NRG1: variants seen among roughly 807,000 people sequenced by gnomAD.
NRG1 encodes pro-neuregulin-1, membrane-bound isoform.
A neutral mutation model predicts 63.8 loss-of-function variants in NRG1; 18 were observed. The observed-to-expected ratio is 0.28, with a 90% CI of 0.19 to 0.42. The LOEUF (loss-of-function observed/expected upper bound fraction) is 0.42. Among genes scored for constraint, NRG1 ranks in the 10% least tolerant of loss-of-function variants. The probability of loss-of-function intolerance (pLI) is 1.00; values close to 1 mark genes in which losing one functional copy is unlikely to be tolerated. For missense variants in NRG1, 762 were observed against 814.7 expected (o/e 0.94, Z 0.79); for synonymous variants, 302 against 301.3 (o/e 1.00, Z -0.02).
At chr8:32,319,635 C>T (rs1469945799) in intron 1 of NRG1, among the ~76,000 whole-genome samples, 1 of 151,974 alleles carries the variant, frequency 6.6e-6, no homozygotes, top group Non-Finnish European at 1.5e-5. Flanking sequence ...ACCCATGATG[C>T]TCAAAGGATT....
chr8:32,555,640 T>G lies in NRG1; in HGVS notation c.100+6814T>G, dbSNP rs542311592. Among the ~76,000 whole-genome samples the G allele has an allele frequency of 8.3e-3, 1,261 of 152,128 alleles. 15 individuals are homozygous for G. Among genetic ancestry groups the G allele is most frequent in the African/African-American group, 0.029 (1,200 of 41,478 alleles). ...GCGCCCACCACCACGCCCGGCTGAT[T>G]TTTTGTATTTCTAGTAGAGACGGGG... On this transcript the variant is annotated intron_variant, in intron 1 of 11. Transcript: ENST00000356819.
chr8:32,480,753 T>C (rs778324001), intron 1 of NRG1, among the ~76,000 whole-genome samples: 7 of 152,146 alleles, frequency 4.6e-5, no homozygotes, highest in Admixed American at 3.3e-4. Flanking sequence ...ACATATCAGA[T>C]GGTGAGAGGG....
At chr8:32,451,622 G>C (rs1302363996) in intron 1 of NRG1, among the ~76,000 whole-genome samples, 1 of 152,102 alleles carries the variant, frequency 6.6e-6, no homozygotes, top group Non-Finnish European at 1.5e-5. Context: ...GTAAAGATGG[G>C]GATCAAATTG....
chr8:32,537,460 C>T (rs117071613), intron 1 of NRG1, among the ~76,000 whole-genome samples: 1,607 of 152,146 alleles, frequency 0.011, 18 homozygotes, highest in Non-Finnish European at 0.016. Context: ...GGGCATTGGC[C>T]AGGGATAATT....
intron 1 of NRG1, among the ~76,000 whole-genome samples, chr8:31,999,169 C>A (rs1563665114): frequency 6.6e-6 from 1 of 151,466 alleles, no homozygotes; most frequent in Non-Finnish European, 1.5e-5. Flanking sequence ...ATAAAGAAAT[C>A]AATAATGAAG....
At chr8:32,189,221 C>T (rs1211943714) in intron 1 of NRG1, among the ~76,000 whole-genome samples, 1 of 152,162 alleles carries the variant, frequency 6.6e-6, no homozygotes, top group African/African-American at 2.4e-5. Context: ...AGTTTTCCTG[C>T]TTTTGCCCCC....
chr8:32,094,618 A>G (rs978576409), intron 1 of NRG1, among the ~76,000 whole-genome samples: 5 of 152,234 alleles, frequency 3.3e-5, no homozygotes, highest in African/African-American at 4.8e-5. Flanking sequence ...TAAGAGGGAT[A>G]TAATGAGTTC....
At chr8:32,116,323 G>A (rs1244150452) in intron 1 of NRG1, among the ~76,000 whole-genome samples, 2 of 152,108 alleles carry the variant, frequency 1.3e-5, no homozygotes, top group East Asian at 3.9e-4. Flanking sequence ...TTAAAGCAGT[G>A]CTGAATTAAA....
intron 1 of NRG1, among the ~76,000 whole-genome samples, chr8:32,350,609 G>T (rs566482104): frequency 7.2e-5 from 11 of 152,230 alleles, no homozygotes; most frequent in East Asian, 1.9e-4. Flanking sequence ...GATCTGATCA[G>T]ATTTGACTTC....
At chr8:32,427,447 G>A (rs1319838926) in intron 1 of NRG1, among the ~76,000 whole-genome samples, 2 of 152,160 alleles carry the variant, frequency 1.3e-5, no homozygotes, top group Non-Finnish European at 2.9e-5. Flanking sequence ...AAGATGTGAC[G>A]GCTGCCTTTC....
intron 1 of NRG1, among the ~76,000 whole-genome samples, chr8:31,932,653 T>C (rs1834961247): frequency 6.6e-6 from 1 of 152,236 alleles, no homozygotes; most frequent in African/African-American, 2.4e-5. Context: ...AGAAATTTTG[T>C]ATTTTACCCC....
At chr8:31,921,417 G>A (rs1313349893) in intron 1 of NRG1, among the ~76,000 whole-genome samples, 1 of 151,836 alleles carries the variant, frequency 6.6e-6, no homozygotes, top group Non-Finnish European at 1.5e-5. Context: ...CAAGCAATGT[G>A]GTAAAACCCT....
At chr8:32,451,657 T>G (rs574451484) in intron 1 of NRG1, among the ~76,000 whole-genome samples, 1 of 152,356 alleles carries the variant, frequency 6.6e-6, no homozygotes, top group East Asian at 1.9e-4. Flanking sequence ...AGCAACTCTT[T>G]GCTTCTTGAT....
At chr8:31,750,147 C>T (rs1816302863) in intron 1 of NRG1, among the ~76,000 whole-genome samples, 1 of 151,830 alleles carries the variant, frequency 6.6e-6, no homozygotes. Context: ...AATTCCCTCT[C>T]CTAAACATGA....
At chr8:32,401,429 A>G (rs114856768) in intron 1 of NRG1, among the ~76,000 whole-genome samples, 2,540 of 152,114 alleles carry the variant, frequency 0.017, 70 homozygotes, top group African/African-American at 0.057. Flanking sequence ...TATTTTATTC[A>G]TTGTCTGTCT....
At chr8:31,900,934 C>G (rs1374897269) in intron 1 of NRG1, among the ~76,000 whole-genome samples, 1 of 152,090 alleles carries the variant, frequency 6.6e-6, no homozygotes, top group Non-Finnish European at 1.5e-5. Flanking sequence ...CTACTGAAGC[C>G]CAGTAAATGG....
In NRG1 at chr8:32,328,517, A is replaced by G. The variant is rs149478897; in HGVS notation, c.38-267311A>G. The stretch of plus-strand genomic sequence containing the variant: ...TTACCTTTTCAAATATCCATGTGGC[A>G]TCAAGCCAGGCCATTTAAAATGACA... On this transcript the variant is annotated intron_variant, in intron 1 of 10. Transcript: ENST00000519301. Among the ~76,000 whole-genome samples, 9 of 151,930 alleles carry G rather than the reference A, an allele frequency of 5.9e-5. No individual in the cohort carries two copies. The East Asian group carries it at 1.7e-3, about 29-fold the overall frequency.
chr8:32,455,741 C>CT, intron 1 of NRG1, among the ~76,000 whole-genome samples: 1 of 152,106 alleles, frequency 6.6e-6, no homozygotes, highest in Non-Finnish European at 1.5e-5. Flanking sequence ...TTGCAACATG[C>CT]TTTTTTTAAA....
At chr8:31,649,635 T>TTAC (rs1804643583) in intron 1 of NRG1, among the ~76,000 whole-genome samples, 1 of 152,174 alleles carries the variant, frequency 6.6e-6, no homozygotes, top group Non-Finnish European at 1.5e-5. Context: ...AACAATGATT[T>TTAC]AAAGAGTAAG....
Sources: allele counts gnomAD v4.1 joint callset (sites outside exome capture counted in the v4.1 genomes callset), GRCh38; gene constraint gnomAD v4.1.1; transcripts MANE v1.5; gene names NCBI Gene and HGNC (gene_info 2026-07-23, HGNC 2026-07-21).